The following PCDH15 variants were observed in gnomAD, a reference collection of about 807,000 sequenced individuals.
PCDH15 encodes protocadherin-15.
A neutral mutation model predicts 178.5 loss-of-function variants in PCDH15; 129 were observed. That is an observed-to-expected ratio of 0.72 (90% confidence interval 0.63 to 0.84). The LOEUF is 0.84. Among genes scored for constraint, PCDH15 ranks in the 40% least tolerant of loss-of-function variants. The probability of loss-of-function intolerance (pLI) is 0.00; values close to 1 mark genes in which losing one functional copy is unlikely to be tolerated. For missense variants in PCDH15, 2,230 were observed against 2,099.9 expected (o/e 1.06, Z -1.21); for synonymous variants, 800 against 732.0 (o/e 1.09, Z -1.50).
intron 13 of PCDH15, among the ~76,000 whole-genome samples, chr10:54,167,307 C>T (rs1442282121): frequency 2.6e-5 from 4 of 152,100 alleles, no homozygotes; most frequent in Non-Finnish European, 5.9e-5. Flanking sequence ...CTTCTCCAAC[C>T]TCTCTCACTG....
intron 2 of PCDH15, among the ~76,000 whole-genome samples, chr10:55,491,364 C>T (rs939986968): frequency 2.0e-5 from 3 of 151,788 alleles, no homozygotes; most frequent in Non-Finnish European, 2.9e-5. Flanking sequence ...AGCTTGTCCA[C>T]GTAAGGTGAG....
At chr10:54,826,142 C>A (rs897446488) in intron 3 of PCDH15, among the ~76,000 whole-genome samples, 2 of 151,908 alleles carry the variant, frequency 1.3e-5, no homozygotes, top group African/African-American at 4.8e-5. Context: ...ATGCCTTACA[C>A]TGTAGATACC....
At chr10:55,262,911 G>C (rs1339272357) in intron 1 of PCDH15, among the ~76,000 whole-genome samples, 1 of 152,116 alleles carries the variant, frequency 6.6e-6, no homozygotes, top group Non-Finnish European at 1.5e-5. Flanking sequence ...CGCCCATTGG[G>C]ACTTCAGCTG....
At chr10:54,086,509 G>A (rs1170908336) in intron 16 of PCDH15, among the ~76,000 whole-genome samples, 1 of 152,162 alleles carries the variant, frequency 6.6e-6, no homozygotes, top group East Asian at 1.9e-4. Context: ...AAGTGGTAGT[G>A]CAAAGTTTTG....
intron 3 of PCDH15, among the ~76,000 whole-genome samples, chr10:54,871,317 G>C (rs1807067379): frequency 6.6e-6 from 1 of 151,102 alleles, no homozygotes; most frequent in South Asian, 2.1e-4. Flanking sequence ...CAGAATATTT[G>C]TATATATATG....
In PCDH15 at chr10:53,878,181, GCACACA is replaced by G. The variant is rs71004486; in HGVS notation, c.3502-11330_3502-11325del. Among the ~76,000 whole-genome samples, 14 of 124,924 alleles carry G rather than the reference GCACACA, an allele frequency of 1.1e-4. No individual in the cohort carries two copies. The South Asian group carries it at 3.1e-3, about 28-fold the overall frequency. 82.0% of individuals were successfully genotyped at this position (124,924 alleles called of 152,430 possible). ...ATGTTCACTTCTTGGCTATACTATG[GCACACA>G]CACACACACACACACACACACACTT... On this transcript the variant is annotated intron_variant, in intron 26 of 37. Coordinates refer to ENST00000644397, the MANE Select transcript of PCDH15 (RefSeq NM_001384140.1).
At chr10:53,836,622 T>G (rs1589016673) in intron 29 of PCDH15, among the ~76,000 whole-genome samples, 1 of 152,152 alleles carries the variant, frequency 6.6e-6, no homozygotes, top group Admixed American at 6.5e-5. Context: ...TCCAAATAAT[T>G]CCTGAATAGC....
At chr10:54,093,016 C>T (rs115098114) in intron 15 of PCDH15, among the ~76,000 whole-genome samples, 7,866 of 151,872 alleles carry the variant, frequency 0.052, 299 homozygotes, top group African/African-American at 0.11. Context: ...AGATTAATAT[C>T]GAATCTTTTA....
intron 2 of PCDH15, among the ~76,000 whole-genome samples, chr10:55,587,127 G>A (rs1374360282): frequency 3.3e-5 from 5 of 151,860 alleles, no homozygotes; most frequent in Non-Finnish European, 7.4e-5. Flanking sequence ...ATTGTTAACA[G>A]GGAAGAAACA....
At chr10:55,364,783 T>C (rs2131982525) in intron 2 of PCDH15, among the ~76,000 whole-genome samples, 1 of 152,260 alleles carries the variant, frequency 6.6e-6, no homozygotes, top group African/African-American at 2.4e-5. Flanking sequence ...TCCCTAGTCC[T>C]ATAGATTAAA....
At chr10:53,985,506 C>T (rs1223969921) in intron 21 of PCDH15, among the ~76,000 whole-genome samples, 3 of 152,070 alleles carry the variant, frequency 2.0e-5, no homozygotes, top group Admixed American at 6.6e-5. Context: ...GGCAGGCTCT[C>T]CATTACCATG....
At chr10:54,182,227 A>G (rs933180753) in intron 13 of PCDH15, among the ~76,000 whole-genome samples, 1 of 152,190 alleles carries the variant, frequency 6.6e-6, no homozygotes, top group Non-Finnish European at 1.5e-5. Context: ...TCGGCCTCCC[A>G]AAGTGCTAGG....
intron 23 of PCDH15, among the ~76,000 whole-genome samples, chr10:53,958,770 G>C (rs980754693): frequency 6.6e-6 from 1 of 151,890 alleles, no homozygotes; most frequent in African/African-American, 2.4e-5. Context: ...CAGGAGGTCA[G>C]AGATCGAGAC....
chr10:55,532,785 C>G (rs989825253), intron 2 of PCDH15, among the ~76,000 whole-genome samples: 2 of 151,936 alleles, frequency 1.3e-5, no homozygotes, highest in Non-Finnish European at 2.9e-5. Flanking sequence ...TTTCTGCCAG[C>G]AGGGTAAAAT....
intron 28 of PCDH15, among the ~76,000 whole-genome samples, chr10:53,846,029 C>CACAT (rs2077952958): frequency 6.6e-6 from 1 of 150,878 alleles, no homozygotes. Flanking sequence ...TGTATACACA[C>CACAT]ACACACACAC....
chr10:55,252,444 T>C (rs182262400), intron 1 of PCDH15, among the ~76,000 whole-genome samples: 232 of 152,252 alleles, frequency 1.5e-3, no homozygotes, highest in Non-Finnish European at 2.7e-3. Context: ...AATATTTAAT[T>C]ATTATTTATG....
intron 3 of PCDH15, among the ~76,000 whole-genome samples, chr10:54,473,293 C>T (rs955887113): frequency 6.6e-6 from 1 of 152,054 alleles, no homozygotes; most frequent in Non-Finnish European, 1.5e-5. Flanking sequence ...TATTTGGAAG[C>T]ATATTGAGCA....
chr10:54,270,223 G>A (rs2057961681), intron 8 of PCDH15, among the ~76,000 whole-genome samples: 1 of 152,058 alleles, frequency 6.6e-6, no homozygotes. Flanking sequence ...CTAAAATTGA[G>A]TATATAGATA....
intron 5 of PCDH15, 104 bp from the exon 6 acceptor site, chr10:54,346,588 C>T (rs1297234797): frequency 1.5e-6 from 2 of 1,337,108 alleles, no homozygotes; most frequent in Admixed American, 1.7e-5. Context: ...AGGAAGATAC[C>T]AGTTGGCAGC....
Sources: allele counts gnomAD v4.1 joint callset (sites outside exome capture counted in the v4.1 genomes callset), GRCh38; gene constraint gnomAD v4.1.1; transcripts MANE v1.5; gene names NCBI Gene and HGNC (gene_info 2026-07-23, HGNC 2026-07-21).